Variants in LUZP2 observed in about 807,000 individuals in gnomAD.
LUZP2 encodes the protein leucine zipper protein 2.
In LUZP2, 52 loss-of-function variants were observed where a neutral mutation model predicts 51.6. That is an observed-to-expected ratio of 1.01 (90% confidence interval 0.81 to 1.27). The LOEUF is 1.27. Ranked by LOEUF, LUZP2 falls within the 50% of genes most tolerant of loss-of-function variation. The probability of loss-of-function intolerance (pLI) is 0.00; values close to 1 mark genes in which losing one functional copy is unlikely to be tolerated. For synonymous variants in LUZP2, 154 were observed against 137.3 expected, an observed-to-expected ratio of 1.12 and a Z score of -0.85; for missense variants, 436 against 395.4, an observed-to-expected ratio of 1.10 and a Z score of -0.87.
At chr11:24,783,425 C>A (rs1849148483) in intron 5 of LUZP2, among the ~76,000 whole-genome samples, 2 of 151,746 alleles carry the variant, frequency 1.3e-5, no homozygotes, top group African/African-American at 2.4e-5. Flanking sequence ...AATGTATTTG[C>A]TAATCATAAT....
At chr11:24,586,667 T>A (rs564603626) in intron 1 of LUZP2, among the ~76,000 whole-genome samples, 1 of 152,140 alleles carries the variant, frequency 6.6e-6, no homozygotes, top group East Asian at 1.9e-4. Context: ...AGGTACTCCA[T>A]TTTGAATTAG....
intron 1 of LUZP2, among the ~76,000 whole-genome samples, chr11:24,579,427 A>T (rs1277965098): frequency 2.0e-5 from 3 of 152,062 alleles, no homozygotes; most frequent in African/African-American, 7.2e-5. Context: ...AGCAATTTTT[A>T]TTTCTGATGA....
intron 5 of LUZP2, among the ~76,000 whole-genome samples, chr11:24,808,526 C>A (rs1849920031): frequency 6.6e-6 from 1 of 152,116 alleles, no homozygotes; most frequent in Non-Finnish European, 1.5e-5. Flanking sequence ...ATGTTATATT[C>A]TCCAATATAG....
chr11:24,893,497 G>C (rs761507747), intron 5 of LUZP2, among the ~76,000 whole-genome samples: 1 of 151,834 alleles, frequency 6.6e-6, no homozygotes, highest in Non-Finnish European at 1.5e-5. Flanking sequence ...ACTCTTTAGG[G>C]ATATTAAATT....
At chr11:24,925,974 T>C (rs1854215177) in intron 7 of LUZP2, among the ~76,000 whole-genome samples, 1 of 151,858 alleles carries the variant, frequency 6.6e-6, no homozygotes, top group Non-Finnish European at 1.5e-5. Context: ...CTCCCACTTA[T>C]GAGAGAATAT....
intron 7 of LUZP2, among the ~76,000 whole-genome samples, chr11:24,944,961 A>T (rs185157489): frequency 6.6e-6 from 1 of 152,318 alleles, no homozygotes; most frequent in African/African-American, 2.4e-5. Context: ...GCTCATACGT[A>T]CATTTATGCA....
At chr11:24,553,004 A>G (rs1851764225) in intron 1 of LUZP2, among the ~76,000 whole-genome samples, 1 of 151,498 alleles carries the variant, frequency 6.6e-6, no homozygotes, top group Admixed American at 6.6e-5. Flanking sequence ...TAACTATATT[A>G]AAGAAATGTG....
intron 1 of LUZP2, among the ~76,000 whole-genome samples, chr11:24,598,556 C>A (rs117733016): frequency 2.0e-5 from 3 of 151,836 alleles, no homozygotes; most frequent in Non-Finnish European, 2.9e-5. Flanking sequence ...TGAGGAGGGA[C>A]GATTGTGCAA....
intron 1 of LUZP2, among the ~76,000 whole-genome samples, chr11:24,570,740 GA>G (rs1443598977): frequency 1.3e-5 from 2 of 152,016 alleles, no homozygotes; most frequent in Non-Finnish European, 2.9e-5. Context: ...AACTTCCATA[GA>G]TGTTATGTGT....
intron 1 of LUZP2, among the ~76,000 whole-genome samples, chr11:24,536,975 C>T (rs1316231976): frequency 2.6e-5 from 4 of 151,676 alleles, no homozygotes; most frequent in African/African-American, 9.7e-5. Context: ...AAGAGGAAGG[C>T]CCAAGGAGGG....
intron 1 of LUZP2, among the ~76,000 whole-genome samples, chr11:24,503,685 A>C (rs1850068975): frequency 6.6e-6 from 1 of 152,218 alleles, no homozygotes; most frequent in African/African-American, 2.4e-5. Flanking sequence ...ACTGAAACCC[A>C]GGGTGACTGA....
chr11:24,750,854 A>G (rs1020782541), intron 4 of LUZP2, among the ~76,000 whole-genome samples: 1 of 152,180 alleles, frequency 6.6e-6, no homozygotes, highest in African/African-American at 2.4e-5. Flanking sequence ...AGTGACATAT[A>G]CTAATCTTGT....
intron 5 of LUZP2, among the ~76,000 whole-genome samples, chr11:24,815,736 C>A (rs542413783): frequency 6.6e-6 from 1 of 152,238 alleles, no homozygotes; most frequent in South Asian, 2.1e-4. Flanking sequence ...AATATCTCTT[C>A]ATCGTGGGTT....
chr11:24,836,296 T>G, intron 5 of LUZP2, among the ~76,000 whole-genome samples: 1 of 151,358 alleles, frequency 6.6e-6, no homozygotes, highest in East Asian at 1.9e-4. Flanking sequence ...CATCACTGTT[T>G]TTAATATTAT....
At chr11:24,684,306 T>G (rs372009599) in intron 1 of LUZP2, among the ~76,000 whole-genome samples, 3 of 152,346 alleles carry the variant, frequency 2.0e-5, no homozygotes, top group African/African-American at 7.2e-5. Context: ...CCTAGGCCTC[T>G]AGATGATCAT....
rs75533659 is a variant in LUZP2, at chr11:24,539,030, G to A, written c.62+41725G>A. Among the ~76,000 whole-genome samples, 140 of 151,974 alleles carry A rather than the reference G, an allele frequency of 9.2e-4. 1 individual carries two copies. The South Asian group carries it at 0.021, about 22-fold the overall frequency. ...CCCACAATATCCAGAAGTATATGCC[G>A]TAGTCTGTTAATGGCACTTACCTCA... On this transcript the variant is annotated intron_variant, in intron 1 of 11. Coordinates refer to ENST00000336930, the MANE Select transcript of LUZP2 (RefSeq NM_001009909.4).
intron 1 of LUZP2, among the ~76,000 whole-genome samples, chr11:24,660,060 G>T (rs1565059980): frequency 6.6e-6 from 1 of 152,126 alleles, no homozygotes; most frequent in Non-Finnish European, 1.5e-5. Context: ...AAAGTTCAGA[G>T]AGTGGAAGCA....
chr11:24,622,447 T>C (rs1854530762), intron 1 of LUZP2, among the ~76,000 whole-genome samples: 1 of 152,134 alleles, frequency 6.6e-6, no homozygotes, highest in Non-Finnish European at 1.5e-5. Flanking sequence ...TCAAGCAGCC[T>C]GCTTGCCTTG....
intron 7 of LUZP2, among the ~76,000 whole-genome samples, chr11:24,922,037 C>T (rs1462498893): frequency 6.6e-6 from 1 of 151,636 alleles, no homozygotes; most frequent in African/African-American, 2.4e-5. Context: ...GTGAAGCTAT[C>T]GCCATGGATA....
Sources: gnomAD v4.1 joint callset for allele counts (sites outside exome capture counted in the v4.1 genomes callset) on GRCh38, gnomAD v4.1.1 for gene constraint, MANE v1.5 for transcripts, NCBI Gene and HGNC (gene_info 2026-07-23, HGNC 2026-07-21) for gene names.